The following ABCC5 variants were observed in gnomAD, a reference collection of about 807,000 sequenced individuals.
The protein encoded by ABCC5 is ATP binding cassette subfamily C member 5, also known as ATP-binding cassette sub-family C member 5.
ABCC5 carries 61 observed loss-of-function variants against 160.9 expected under a neutral mutation model. That is an observed-to-expected ratio of 0.38 (90% confidence interval 0.31 to 0.47). ABCC5 has a LOEUF of 0.47. Among genes scored for constraint, ABCC5 ranks in the 20% least tolerant of loss-of-function variants. The pLI is 0.99. For missense variants in ABCC5, 1,308 were observed against 1,813.3 expected (o/e 0.72, Z 5.06); for synonymous variants, 666 against 700.6 (o/e 0.95, Z 0.78).
rs1178327195 is a variant in ABCC5, at chr3:183,988,694, A to G, written c.321T>C (p.Phe107=). ...HQHPVDNAGL[F]SCMTFSWLSS... ...AAAGCCACGAAAAAGTCATACAGGAAAAAAGCCCAGCATTGTCCACTGGGT... is the reference window on the plus strand; with the variant it reads ...AAAGCCACGAAAAAGTCATACAGGAGAAAAGCCCAGCATTGTCCACTGGGT... The change falls in exon 4 of 30, where the codon TTT becomes TTC. Residue 107 remains phenylalanine (F), a synonymous_variant. Transcript: ENST00000334444. This position sits in a 1 kb window ranked among gnomAD's most constrained non-coding sequence, Gnocchi z 4.4. The G allele has an allele frequency of 3.1e-6, 5 of 1,614,224 alleles. No homozygotes were observed. Among genetic ancestry groups the G allele is most frequent in the Non-Finnish European group, 4.2e-6 (5 of 1,180,028 alleles).
chr3:183,951,692 G>T lies in ABCC5; in HGVS notation c.2815-122C>A. On this transcript the variant is annotated intron_variant, in intron 19 of 29. Coordinates refer to ENST00000334444, the MANE Select transcript of ABCC5 (RefSeq NM_005688.4). This position sits in a 1 kb window ranked among gnomAD's most constrained non-coding sequence, Gnocchi z 4.7. ...GAGGTGTGAGGGGTCAGGAGGGACA[G>T]GTGGCAAGTGAGAAAAGGTGGAGGC... 1 of 1,483,170 alleles carries T rather than the reference G, an allele frequency of 6.7e-7. No homozygotes were observed. Among genetic ancestry groups the T allele is most frequent in the Non-Finnish European group, 9.1e-7 (1 of 1,097,044 alleles). The allele number at this position is 1,483,170 out of a possible 1,614,324, so 91.9% of individuals were successfully genotyped here. A position where few individuals can be genotyped will look rare whatever the true frequency, so the allele number is the denominator to read the frequency against.
In ABCC5 at chr3:183,947,507, G is replaced by T; in HGVS notation, c.3231C>A (p.Tyr1077Ter). 1 of 1,591,846 alleles carries T rather than the reference G, an allele frequency of 6.3e-7. No individual in the cohort carries two copies. Among genetic ancestry groups the T allele is most frequent in the Non-Finnish European group, 8.6e-7 (1 of 1,165,972 alleles). ...YNKGQEFLHR[Y>*]QELLDDNQAP... ...CTTGGTTGTCATCCAGCAGCTCCTG[G>T]TATCTGTGAGAAAGACAACACTTAA... is the stretch of plus-strand genomic sequence containing the variant. Residue 1077 changes from tyrosine (Y) to a stop codon, truncating the protein, a stop_gained, in exon 23 of 30, where the codon TAC (tyrosine) becomes TAA (stop). Transcript: ENST00000334444. LOFTEE classifies it high-confidence loss of function.
chr3:183,977,513 T>C lies in ABCC5; in HGVS notation c.1404+4A>G, dbSNP rs1304563321. On this transcript the variant is annotated splice_donor_region_variant and intron_variant, in intron 10 of 29. Transcript: ENST00000334444. The stretch of plus-strand genomic sequence containing the variant: ...ACACGGGGGCAGGGGAAGGAGCCAC[T>C]TACCTTAAATCTGTCAACAGCCACT... 3 of 1,608,426 alleles carry C rather than the reference T, an allele frequency of 1.9e-6. No homozygotes were observed. In the East Asian group the frequency reaches 6.7e-5, roughly 36 times the overall value.
chr3:183,981,869 A>C lies in ABCC5; in HGVS notation c.1005T>G (p.Phe335Leu). ...TGAAATATGCTGTGAGCCGTGATGC[A>C]AACATCTGAAAGGAAAAGCGATGCC... ...VFILFYPAMM[F>L]ASRLTAYFRR... The change falls in exon 8 of 30, where the codon TTT becomes TTG. Residue 335 changes from phenylalanine to leucine, a missense_variant. By Grantham distance (22) the Phe-to-Leu change is conservative (BLOSUM62 0). Transcript: ENST00000334444. 6.3e-7 allele frequency: 1 copy of C among 1,590,008 alleles called. No homozygotes were observed. Among genetic ancestry groups the C allele is most frequent in the Non-Finnish European group, 8.5e-7 (1 of 1,173,190 alleles).
chr3:183,928,899 T>C, intron 26 of ABCC5, 74 bp from the exon 27 acceptor site: 4 of 1,239,862 alleles, frequency 3.2e-6, no homozygotes, highest in Non-Finnish European at 3.6e-6. Flanking sequence ...CTGTGGAAGA[T>C]GTTTAACACA....
At chr3:183,991,460 C>A (rs1383539958) in intron 2 of ABCC5, among the ~76,000 whole-genome samples, 2 of 152,124 alleles carry the variant, frequency 1.3e-5, no homozygotes, top group East Asian at 3.8e-4. Context: ...CAAAGAACAG[C>A]GGGAACTTAA....
chr3:183,992,804 A>G (rs1719897673), intron 2 of ABCC5, among the ~76,000 whole-genome samples: 1 of 152,144 alleles, frequency 6.6e-6, no homozygotes, highest in South Asian at 2.1e-4. Context: ...AAAAATAAAA[A>G]ATAAAAAAAT....
chr3:183,987,414 C>T lies in ABCC5; in HGVS notation c.591+356G>A, dbSNP rs1385085116. On this transcript the variant is annotated intron_variant, in intron 5 of 29. Coordinates refer to ENST00000334444, the MANE Select transcript of ABCC5 (RefSeq NM_005688.4). The surrounding 1 kb of genome is among the most constrained non-coding windows in gnomAD (Gnocchi z 4.2). ...TGTTCCCGGTGCTGGCTCACCAGCC[C>T]GGGCCACACAACGTGCTCTCACCCA... is the stretch of plus-strand genomic sequence containing the variant. 6 of 527,844 alleles carry T rather than the reference C, an allele frequency of 1.1e-5. No individual in the cohort carries two copies. The highest frequency in any genetic ancestry group is 6.8e-5 in the Admixed American group (2 of 29,292). The allele number at this position is 527,844 out of a possible 1,614,324, so 32.7% of individuals were successfully genotyped here.
At chr3:183,972,229 C>T (rs60835160) in intron 10 of ABCC5, among the ~76,000 whole-genome samples, 5 of 152,156 alleles carry the variant, frequency 3.3e-5, no homozygotes, top group African/African-American at 9.7e-5. Flanking sequence ...CTGACTGGCA[C>T]GTAGCCCCTT....
intron 17 of ABCC5, among the ~76,000 whole-genome samples, chr3:183,956,168 G>T (rs542380533): frequency 4.5e-5 from 6 of 133,272 alleles, no homozygotes; most frequent in African/African-American, 5.7e-5. Flanking sequence ...AAATCACATC[G>T]GTTACATGCA....
intron 2 of ABCC5, among the ~76,000 whole-genome samples, chr3:184,001,601 A>T (rs1720747406): frequency 6.6e-6 from 1 of 152,188 alleles, no homozygotes. Context: ...AAGTCCAGGG[A>T]TGCTGCTGAA....
chr3:183,989,528 CT>C (rs1169943244), intron 2 of ABCC5, 145 bp from the exon 3 acceptor site: 3 of 735,928 alleles, frequency 4.1e-6, no homozygotes, highest in Non-Finnish European at 6.4e-6. Context: ...TAAACACTAA[CT>C]TTGTATGATT....
chr3:183,943,533 T>G (rs1160609360), intron 24 of ABCC5, among the ~76,000 whole-genome samples: 1 of 152,224 alleles, frequency 6.6e-6, no homozygotes, highest in Non-Finnish European at 1.5e-5. Flanking sequence ...CTCAAAATGC[T>G]GTGATATAAC....
At position 183,945,877 on chromosome 3, in the gene ABCC5, C is replaced by T. The variant is rs375530575; in HGVS notation, c.3477G>A (p.Ser1159=). The T allele has an allele frequency of 6.8e-6, 11 of 1,613,984 alleles. No individual in the cohort carries two copies. Among genetic ancestry groups the T allele is most frequent in the South Asian group, 4.4e-5 (4 of 91,082 alleles). ...LASETEARFT[S]VERINHYIKT... ...TAATGTAGTGATTGATCCTCTCCAC[C>T]GAGGTGAATCGAGCTTCTGTCTCAG... is the stretch of plus-strand genomic sequence containing the variant. The change falls in exon 24 of 30, where the codon TCG becomes TCA. Residue 1159 remains serine, a synonymous_variant. Coordinates refer to ENST00000334444, the MANE Select transcript of ABCC5 (RefSeq NM_005688.4).
intron 3 of ABCC5, 78 bp downstream of exon 3, chr3:183,989,148 A>G: frequency 9.2e-3 from 7,410 of 801,952 alleles, no homozygotes; most frequent in Non-Finnish European, 0.013. Flanking sequence ...ACAGAGCAAG[A>G]CTCCATCTCA....
At chr3:183,957,940 A>G (rs868592198) in intron 17 of ABCC5, among the ~76,000 whole-genome samples, 30 of 148,862 alleles carry the variant, frequency 2.0e-4, no homozygotes, top group African/African-American at 6.9e-4. Flanking sequence ...TTACATGCGG[A>G]TCCGTGTGTA....
intron 16 of ABCC5, among the ~76,000 whole-genome samples, chr3:183,961,224 G>T (rs558538853): frequency 6.6e-6 from 1 of 152,336 alleles, no homozygotes; most frequent in African/African-American, 2.4e-5. Flanking sequence ...ATGAACAGCA[G>T]CACACATCTT....
rs199520621 is a variant in ABCC5, at chr3:183,988,534, C to A, written c.443+38G>T. ...ACTCCTAGCTCAGGCCCTGCCCACCCGGCATGGGGGAGATGAGGGTGGACC... is the reference window on the plus strand; with the variant it reads ...ACTCCTAGCTCAGGCCCTGCCCACCAGGCATGGGGGAGATGAGGGTGGACC... On this transcript the variant is annotated intron_variant, in intron 4 of 29. Coordinates refer to ENST00000334444, the MANE Select transcript of ABCC5 (RefSeq NM_005688.4). The surrounding 1 kb of genome is among the most constrained non-coding windows in gnomAD (Gnocchi z 4.4). 1 of 1,582,986 alleles carries A rather than the reference C, an allele frequency of 6.3e-7. No homozygotes were observed. Among genetic ancestry groups the A allele is most frequent in the South Asian group, 1.2e-5 (1 of 85,540 alleles).
chr3:183,985,060 A>G (rs1343397886), intron 5 of ABCC5: 4 of 683,792 alleles, frequency 5.8e-6, no homozygotes, highest in Admixed American at 2.9e-5. Context: ...AAGGGGGGGA[A>G]AAAGAGGAAA....
Sources: allele counts gnomAD v4.1 joint callset (sites outside exome capture counted in the v4.1 genomes callset), GRCh38; gene constraint gnomAD v4.1.1; non-coding constraint Gnocchi (gnomAD v3.1); transcripts MANE v1.5; gene names NCBI Gene and HGNC (gene_info 2026-07-23, HGNC 2026-07-21).